NRXN3: variants seen among roughly 807,000 people sequenced by gnomAD.
The protein encoded by NRXN3 is neurexin III.
In NRXN3, 32 loss-of-function variants were observed where a neutral mutation model predicts 137.6. The ratio of observed to expected loss-of-function variants is 0.23; its 90% CI spans 0.18 to 0.31. The LOEUF (loss-of-function observed/expected upper bound fraction) is 0.31, where lower values mean the gene tolerates loss of function less well. NRXN3 is among the 10% of genes least tolerant of loss of function. The pLI is 1.00. For missense variants in NRXN3, 1,574 were observed against 2,062.5 expected, an observed-to-expected ratio of 0.76 and a Z score of 4.59; for synonymous variants, 798 against 784.5, an observed-to-expected ratio of 1.02 and a Z score of -0.29.
chr14:79,080,407 A>T (rs1299361038), intron 15 of NRXN3, among the ~76,000 whole-genome samples: 1 of 152,210 alleles, frequency 6.6e-6, no homozygotes, highest in African/African-American at 2.4e-5. Context: ...TACCAAGTAG[A>T]ATAGATTGTT....
At chr14:79,490,960 TA>T (rs955163258) in intron 16 of NRXN3, among the ~76,000 whole-genome samples, 2 of 152,038 alleles carry the variant, frequency 1.3e-5, no homozygotes, top group African/African-American at 2.4e-5. Flanking sequence ...CCCACAAATT[TA>T]AAAAAAATGA....
intron 15 of NRXN3, among the ~76,000 whole-genome samples, chr14:79,377,040 G>A (rs2094322880): frequency 6.6e-6 from 1 of 152,182 alleles, no homozygotes; most frequent in Admixed American, 6.6e-5. Context: ...GCTGACTGAT[G>A]TGTTTATTAG....
intron 14 of NRXN3, among the ~76,000 whole-genome samples, chr14:78,983,253 A>G (rs1215802698): frequency 6.6e-6 from 1 of 152,212 alleles, no homozygotes; most frequent in Non-Finnish European, 1.5e-5. Flanking sequence ...TCAGAAAACT[A>G]AAAATAGAAT....
At chr14:78,810,217 G>T (rs539265090) in intron 9 of NRXN3, 101 bp from the exon 10 acceptor site, 3 of 703,158 alleles carry the variant, frequency 4.3e-6, no homozygotes, top group Admixed American at 2.6e-5. Context: ...CATTTCTTAC[G>T]TGTGTCTGTC....
intron 10 of NRXN3, among the ~76,000 whole-genome samples, chr14:78,939,635 A>G (rs1178400737): frequency 6.6e-6 from 1 of 152,200 alleles, no homozygotes; most frequent in East Asian, 1.9e-4. Flanking sequence ...TATATGTTTT[A>G]TCTCTATGTA....
chr14:78,657,112 C>T (rs1441738637), intron 6 of NRXN3, among the ~76,000 whole-genome samples: 2 of 148,244 alleles, frequency 1.3e-5, no homozygotes, highest in Non-Finnish European at 3.0e-5. Context: ...ATTAGATTGG[C>T]GCCTGCCTCT....
At chr14:78,881,443 G>A (rs767340227) in intron 10 of NRXN3, among the ~76,000 whole-genome samples, 1 of 151,648 alleles carries the variant, frequency 6.6e-6, no homozygotes, top group Non-Finnish European at 1.5e-5. Context: ...GGACAATGAA[G>A]TCCAAACTGA....
chr14:79,469,291 G>T (rs1265564647), intron 16 of NRXN3, among the ~76,000 whole-genome samples: 2 of 152,100 alleles, frequency 1.3e-5, no homozygotes, highest in African/African-American at 4.8e-5. Flanking sequence ...CCTATTTTCT[G>T]ATGGTTTACT....
intron 19 of NRXN3, among the ~76,000 whole-genome samples, chr14:79,766,076 C>T (rs1197049696): frequency 6.6e-6 from 1 of 152,160 alleles, no homozygotes. Context: ...TGGTTATTCT[C>T]ATTTAAACAG....
intron 15 of NRXN3, among the ~76,000 whole-genome samples, chr14:79,426,679 A>C (rs1198249898): frequency 1.3e-5 from 2 of 152,198 alleles, no homozygotes; most frequent in South Asian, 2.1e-4. Context: ...ATTGTTAATA[A>C]ATTTTCAAGG....
At chr14:79,358,794 T>C (rs1297001079) in intron 15 of NRXN3, among the ~76,000 whole-genome samples, 1 of 152,018 alleles carries the variant, frequency 6.6e-6, no homozygotes, top group African/African-American at 2.4e-5. Context: ...TGTTTGACCG[T>C]CACATCCTTA....
intron 4 of NRXN3, among the ~76,000 whole-genome samples, chr14:78,305,167 T>C (rs2077237310): frequency 6.6e-6 from 1 of 152,102 alleles, no homozygotes; most frequent in Non-Finnish European, 1.5e-5. Flanking sequence ...GGCTGGTCTG[T>C]GTGTTGGGTA....
At chr14:79,078,652 C>T (rs1370376718) in intron 15 of NRXN3, among the ~76,000 whole-genome samples, 1 of 152,048 alleles carries the variant, frequency 6.6e-6, no homozygotes, top group Non-Finnish European at 1.5e-5. Context: ...TAATGTTTGT[C>T]CCTGCCATGT....
At chr14:78,988,560 G>T (rs1327771074) in intron 15 of NRXN3, among the ~76,000 whole-genome samples, 1 of 152,134 alleles carries the variant, frequency 6.6e-6, no homozygotes, top group Middle Eastern at 3.4e-3. Context: ...CTATTTAAAG[G>T]GTATAGCTGT....
intron 1 of NRXN3, among the ~76,000 whole-genome samples, chr14:78,213,167 T>G (rs984338514): frequency 2.6e-5 from 4 of 152,158 alleles, no homozygotes; most frequent in African/African-American, 9.7e-5. Context: ...TTGGGTAGCA[T>G]GCTACAAGAA....
intron 15 of NRXN3, among the ~76,000 whole-genome samples, chr14:79,244,051 T>C (rs1568755729): frequency 1.3e-5 from 2 of 152,108 alleles, no homozygotes; most frequent in African/African-American, 2.4e-5. Flanking sequence ...TGCACAATTA[T>C]CCTGGCTCTA....
intron 20 of NRXN3, among the ~76,000 whole-genome samples, chr14:79,856,637 A>G (rs114093016): frequency 0.018 from 2,651 of 150,208 alleles, 81 homozygotes; most frequent in African/African-American, 0.062. Context: ...TTTTTTTCCA[A>G]AGATAACCCA....
intron 1 of NRXN3, among the ~76,000 whole-genome samples, chr14:78,208,565 C>T (rs558066691): frequency 6.6e-5 from 10 of 152,326 alleles, no homozygotes; most frequent in African/African-American, 2.4e-4. Flanking sequence ...ACACTTCTTT[C>T]CCTGAGCTAC....
At chr14:79,587,694 A>G (rs553757618) in intron 16 of NRXN3, among the ~76,000 whole-genome samples, 1 of 152,232 alleles carries the variant, frequency 6.6e-6, no homozygotes, top group Non-Finnish European at 1.5e-5. Flanking sequence ...CTGGATTAAG[A>G]CGTATCACAA....
Sources: gnomAD v4.1 joint callset for allele counts (sites outside exome capture counted in the v4.1 genomes callset) on GRCh38, gnomAD v4.1.1 for gene constraint, MANE v1.5 for transcripts, NCBI Gene and HGNC (gene_info 2026-07-23, HGNC 2026-07-21) for gene names.